The following IFI16 variants were observed in gnomAD, a reference collection of about 807,000 sequenced individuals.
IFI16 encodes the protein interferon gamma inducible protein 16.
Under a neutral mutation model 68.4 loss-of-function variants are expected in IFI16, and 49 were observed. The ratio of observed to expected loss-of-function variants is 0.72; its 90% CI spans 0.57 to 0.91. The LOEUF is 0.91. Among genes scored for constraint, IFI16 ranks in the 40% least tolerant of loss-of-function variants. The pLI, the probability that IFI16 is intolerant of heterozygous loss-of-function variation, is 0.00. For missense variants in IFI16, 878 were observed against 942.9 expected (o/e 0.93, Z 0.90); for synonymous variants, 307 against 315.0 (o/e 0.97, Z 0.27).
chr1:159,005,206 C>T (rs765209594), upstream of IFI16, among the ~76,000 whole-genome samples: 12 of 152,202 alleles, frequency 7.9e-5, no homozygotes, highest in Non-Finnish European at 1.0e-4. Flanking sequence ...GTGAGAAATA[C>T]ATTTCTGTTC....
chr1:159,019,143 C>T (rs1041498010), intron 5 of IFI16, among the ~76,000 whole-genome samples: 9 of 151,540 alleles, frequency 5.9e-5, no homozygotes, highest in African/African-American at 1.5e-4. Context: ...GTAGGTAGGA[C>T]AATGTTCTGA....
intron 10 of IFI16, chr1:159,053,314 C>A: frequency 2.6e-6 from 1 of 380,018 alleles, no homozygotes; most frequent in Non-Finnish European, 4.7e-6. Context: ...TAGAAAAAAT[C>A]CAGCAGACAA....
At chr1:159,051,017 C>T (rs1655323810) in intron 9 of IFI16, among the ~76,000 whole-genome samples, 1 of 152,142 alleles carries the variant, frequency 6.6e-6, no homozygotes. Flanking sequence ...GAGACTATTC[C>T]TTACTCTGAA....
intron 8 of IFI16, 94 bp downstream of exon 8, chr1:159,045,558 C>T (rs1654928023): frequency 7.9e-6 from 11 of 1,383,800 alleles, no homozygotes; most frequent in Admixed American, 2.3e-5. Context: ...TCCCCTACTA[C>T]ATACAATGCT....
chr1:159,053,666 T>G lies in IFI16; in HGVS notation c.2219T>G (p.Leu740Trp), dbSNP rs150259213. The G allele has an allele frequency of 9.3e-6, 15 of 1,613,920 alleles. No individual in the cohort carries two copies. In the African/African-American group the frequency reaches 2.0e-4, roughly 22 times the overall value. Residue 740 changes from leucine (L) to tryptophan (W), a missense_variant, in exon 11 of 12, where the codon TTG (leucine) becomes TGG (tryptophan). Around this residue, in one of 4 missense-constraint regions of IFI16, gnomAD observed 311 missense variants for 305.1 expected, o/e 1.02. Transcript: ENST00000295809. ...AAACTGAAACTCACCTGCTTTGAATTGGCACCGAAAAGTGGGAATACCGGG... is the reference window on the plus strand; with the variant it reads ...AAACTGAAACTCACCTGCTTTGAATGGGCACCGAAAAGTGGGAATACCGGG... The part of the protein sequence containing the change: ...GDKLKLTCFE[L>W]APKSGNTGEL...
intron 7 of IFI16, among the ~76,000 whole-genome samples, chr1:159,042,932 A>G (rs1044378311): frequency 6.6e-6 from 1 of 152,188 alleles, no homozygotes; most frequent in African/African-American, 2.4e-5. Flanking sequence ...GGGCAGGGAA[A>G]TACTGACCCA....
intron 6 of IFI16, among the ~76,000 whole-genome samples, chr1:159,030,956 G>C (rs1374524281): frequency 2.0e-5 from 3 of 152,052 alleles, no homozygotes; most frequent in Non-Finnish European, 4.4e-5. Flanking sequence ...CCATCAGGTG[G>C]GGGCAGGGTT....
At chr1:159,029,478 T>C (rs1402324107) in intron 6 of IFI16, among the ~76,000 whole-genome samples, 1 of 152,168 alleles carries the variant, frequency 6.6e-6, no homozygotes, top group Non-Finnish European at 1.5e-5. Context: ...CGATGATCTT[T>C]CTCCAGGGTG....
upstream of IFI16, among the ~76,000 whole-genome samples, chr1:159,002,040 G>C (rs1380524146): frequency 6.6e-6 from 1 of 152,148 alleles, no homozygotes; most frequent in African/African-American, 2.4e-5. Context: ...TGTTGAGGGA[G>C]CATATAATCA....
At chr1:159,050,436 G>A (rs1571896529) in intron 9 of IFI16, among the ~76,000 whole-genome samples, 1 of 152,276 alleles carries the variant, frequency 6.6e-6, no homozygotes, top group East Asian at 1.9e-4. Flanking sequence ...ATTGTGAGGT[G>A]ATTTGATACT....
intron 10 of IFI16, chr1:159,052,624 T>C (rs1655433600): frequency 6.5e-6 from 1 of 152,914 alleles, no homozygotes; most frequent in Admixed American, 6.5e-5. Context: ...TTCTTGCCTC[T>C]TCTCATTCAT....
At chr1:159,042,482 T>C (rs1557878159) in intron 7 of IFI16, among the ~76,000 whole-genome samples, 1 of 152,200 alleles carries the variant, frequency 6.6e-6, no homozygotes, top group Non-Finnish European at 1.5e-5. Context: ...TCAGTTTCCG[T>C]ATCCATGCTC....
intron 6 of IFI16, among the ~76,000 whole-genome samples, chr1:159,032,037 C>T (rs1654029886): frequency 6.6e-6 from 1 of 152,128 alleles, no homozygotes; most frequent in African/African-American, 2.4e-5. Context: ...TTTCTTATTC[C>T]ATTGCCTTGT....
At chr1:159,050,367 C>G (rs1655271046) in intron 9 of IFI16, among the ~76,000 whole-genome samples, 1 of 152,102 alleles carries the variant, frequency 6.6e-6, no homozygotes, top group South Asian at 2.1e-4. Context: ...CTCAGAGTAG[C>G]TTTATAATTA....
At chr1:159,023,732 C>G (rs1351594664) in intron 6 of IFI16, among the ~76,000 whole-genome samples, 2 of 152,092 alleles carry the variant, frequency 1.3e-5, no homozygotes, top group African/African-American at 4.8e-5. Context: ...TAAAAGTCCT[C>G]TACAATATCA....
At chr1:159,042,896 C>A (rs554496770) in intron 7 of IFI16, among the ~76,000 whole-genome samples, 3 of 152,226 alleles carry the variant, frequency 2.0e-5, no homozygotes, top group Non-Finnish European at 4.4e-5. Context: ...GGGCCTATAC[C>A]CAAGGCAAAT....
exon 1 of IFI16, chr1:159,000,282 G>T: frequency 3.9e-6 from 1 of 253,372 alleles, no homozygotes. Flanking sequence ...AGGCTGGTTA[G>T]CAAGAGTATC....
chr1:159,014,682 T>TG lies in IFI16; in HGVS notation c.5dup (p.Tyr5_?2), dbSNP rs1198523802. ...GTAGGCTCACTTATGTCTGTAAAGA[T>TG]GGGAAAAAAATACAAGAACATTGTT... On this transcript the variant is annotated frameshift_variant and start_lost, in exon 2 of 12. Coordinates refer to ENST00000295809, the MANE Select transcript of IFI16 (RefSeq NM_001376587.1). LOFTEE classifies it high-confidence loss of function. The TG allele has an allele frequency of 6.3e-7, 1 of 1,594,216 alleles. No individual in the cohort carries two copies. Among genetic ancestry groups the TG allele is most frequent in the Non-Finnish European group, 8.6e-7 (1 of 1,169,092 alleles).
chr1:159,040,654 T>C (rs1206735694), intron 7 of IFI16, among the ~76,000 whole-genome samples: 1 of 152,204 alleles, frequency 6.6e-6, no homozygotes, highest in African/African-American at 2.4e-5. Flanking sequence ...AGAGTCAACA[T>C]AAAGCATGGA....
Sources: allele counts gnomAD v4.1 joint callset (sites outside exome capture counted in the v4.1 genomes callset), GRCh38; gene constraint gnomAD v4.1.1; regional missense constraint gnomAD v4.1.1; transcripts MANE v1.5; gene names NCBI Gene and HGNC (gene_info 2026-07-23, HGNC 2026-07-21).